ADAMTS16: variants seen among roughly 807,000 people sequenced by gnomAD.
ADAMTS16 encodes A disintegrin and metalloproteinase with thrombospondin motifs 16.
A neutral mutation model predicts 145.8 loss-of-function variants in ADAMTS16; 94 were observed. That is an observed-to-expected ratio of 0.64 (90% CI 0.55 to 0.77). ADAMTS16 has a LOEUF of 0.77. Ranked by LOEUF, ADAMTS16 falls within the 30% of genes least tolerant of loss-of-function variation. The pLI is 0.00. For synonymous variants in ADAMTS16, 659 were observed against 604.3 expected, an observed-to-expected ratio of 1.09 and a Z score of -1.33; for missense variants, 1,585 against 1,591.5, an observed-to-expected ratio of 1.00 and a Z score of 0.07.
At chr5:5,236,889 T>C (rs548019264) in intron 13 of ADAMTS16, 80 bp from the exon 14 acceptor site, 33 of 1,486,992 alleles carry the variant, frequency 2.2e-5, no homozygotes, top group African/African-American at 1.8e-4. Context: ...AGAAAGAAAG[T>C]CTATCTAAAA....
At chr5:5,264,703 C>T (rs1297819931) in intron 18 of ADAMTS16, among the ~76,000 whole-genome samples, 1 of 152,174 alleles carries the variant, frequency 6.6e-6, no homozygotes, top group Non-Finnish European at 1.5e-5. Flanking sequence ...TGATCGGGGA[C>T]CTGTCACCTT....
At chr5:5,171,928 A>T (rs1043943487) in intron 3 of ADAMTS16, among the ~76,000 whole-genome samples, 3 of 152,086 alleles carry the variant, frequency 2.0e-5, no homozygotes, top group Non-Finnish European at 4.4e-5. Flanking sequence ...ATTTTTAATC[A>T]TGGCTTTGAT....
chr5:5,163,532 T>A (rs760423154), intron 3 of ADAMTS16, among the ~76,000 whole-genome samples: 1 of 152,194 alleles, frequency 6.6e-6, no homozygotes, highest in Non-Finnish European at 1.5e-5. Context: ...AACAGATGTT[T>A]AAGGTAATGG....
chr5:5,236,253 T>G (rs1388776257), intron 13 of ADAMTS16, among the ~76,000 whole-genome samples: 2 of 151,710 alleles, frequency 1.3e-5, no homozygotes, highest in East Asian at 3.9e-4. Context: ...CTCAGGCCTA[T>G]AAAAATTTCT....
At chr5:5,173,511 T>TC (rs1560933910) in intron 3 of ADAMTS16, among the ~76,000 whole-genome samples, 1 of 152,024 alleles carries the variant, frequency 6.6e-6, no homozygotes, top group Admixed American at 6.5e-5. Flanking sequence ...TCTCACTCTG[T>TC]CCCCCAGGCT....
At chr5:5,186,430 G>C (rs1735500925) in intron 5 of ADAMTS16, among the ~76,000 whole-genome samples, 179 bp downstream of exon 5, 1 of 151,974 alleles carries the variant, frequency 6.6e-6, no homozygotes, top group Non-Finnish European at 1.5e-5. Flanking sequence ...CCAATGAAAA[G>C]AGCCATTTTC....
chr5:5,278,900 C>T (rs536047926), intron 18 of ADAMTS16, among the ~76,000 whole-genome samples: 1 of 151,314 alleles, frequency 6.6e-6, no homozygotes, highest in Non-Finnish European at 1.5e-5. Context: ...GGGGAAAAAA[C>T]CAATAAAAAA....
chr5:5,276,425 T>G (rs1218853808), intron 18 of ADAMTS16, among the ~76,000 whole-genome samples: 3 of 152,202 alleles, frequency 2.0e-5, no homozygotes, highest in Non-Finnish European at 4.4e-5. Flanking sequence ...CGAGTGTAAA[T>G]TACTGTAACT....
chr5:5,289,204 G>GAA (rs5865601), intron 18 of ADAMTS16, among the ~76,000 whole-genome samples: 2 of 151,742 alleles, frequency 1.3e-5, no homozygotes, highest in Non-Finnish European at 2.9e-5. Flanking sequence ...ACAGATAATA[G>GAA]AAAAAAAAGC....
chr5:5,262,028 A>G (rs1268765034), intron 17 of ADAMTS16, among the ~76,000 whole-genome samples: 1 of 152,212 alleles, frequency 6.6e-6, no homozygotes, highest in Non-Finnish European at 1.5e-5. Flanking sequence ...TTTGGGATAA[A>G]TTTAATTAAT....
intron 17 of ADAMTS16, among the ~76,000 whole-genome samples, chr5:5,258,855 T>TAA (rs1737895233): frequency 6.6e-6 from 1 of 152,020 alleles, no homozygotes; most frequent in Non-Finnish European, 1.5e-5. Context: ...TATATAATTT[T>TAA]TTTTAGTATT....
At chr5:5,214,107 C>CT (rs35360378) in intron 10 of ADAMTS16, among the ~76,000 whole-genome samples, 465 of 152,292 alleles carry the variant, frequency 3.1e-3, no homozygotes, top group Middle Eastern at 0.027. Flanking sequence ...GGCGTTCATT[C>CT]TCCTTGCATG....
Position 5,207,045 on chromosome 5 carries a change from T to G in ADAMTS16, c.1452-2048T>G, listed in dbSNP as rs145011837. Among the ~76,000 whole-genome samples, 721 of 152,340 alleles carry G rather than the reference T, an allele frequency of 4.7e-3. 4 individuals are homozygous for G. The highest frequency in any genetic ancestry group is 0.017 in the African/African-American group (696 of 41,580). The stretch of plus-strand genomic sequence containing the variant: ...CTGGTTATTTTAAGTGTTTTGCCTC[T>G]CCATATAAACTTTGGAATCAGTTTG... On this transcript the variant is annotated intron_variant, in intron 9 of 22. Transcript: ENST00000274181.
At chr5:5,214,911 G>A in intron 10 of ADAMTS16, among the ~76,000 whole-genome samples, 1 of 152,080 alleles carries the variant, frequency 6.6e-6, no homozygotes, top group Admixed American at 6.5e-5. Context: ...ATTTTGTTCA[G>A]ATGAAATGTA....
chr5:5,200,592 G>A (rs1735928050), intron 9 of ADAMTS16, among the ~76,000 whole-genome samples: 1 of 152,186 alleles, frequency 6.6e-6, no homozygotes, highest in African/African-American at 2.4e-5. Context: ...TTCAGGAAGT[G>A]AATAGAAAGA....
intron 18 of ADAMTS16, among the ~76,000 whole-genome samples, chr5:5,298,858 G>A (rs1437919767): frequency 6.6e-6 from 1 of 152,214 alleles, no homozygotes; most frequent in Non-Finnish European, 1.5e-5. Context: ...TCTGCAGTGT[G>A]TGAGTATCTG....
At chr5:5,141,156 C>A (rs1252062171) in intron 2 of ADAMTS16, among the ~76,000 whole-genome samples, 1 of 152,194 alleles carries the variant, frequency 6.6e-6, no homozygotes, top group Non-Finnish European at 1.5e-5. Flanking sequence ...CCGTCCCCAA[C>A]CTTTCCTCCT....
chr5:5,239,214 G>C lies in ADAMTS16; in HGVS notation c.2218G>C (p.Gly740Arg), dbSNP rs1278004238. The change falls in exon 15 of 23, where the codon GGG (glycine) becomes CGG (arginine). Residue 740 changes from glycine to arginine, a missense_variant. Coordinates refer to ENST00000274181, the MANE Select transcript of ADAMTS16 (RefSeq NM_139056.4). ...AVEDVCGVCN[G>R]NNSACTIHRG... The stretch of plus-strand genomic sequence containing the variant: ...TGAAGACGTCTGTGGGGTGTGTAAC[G>C]GGAATAACTCAGCCTGCACGATTCA... 2 of 1,602,938 alleles carry C rather than the reference G, an allele frequency of 1.2e-6. No homozygotes were observed. The highest frequency in any genetic ancestry group is 1.7e-6 in the Non-Finnish European group (2 of 1,175,392).
intron 10 of ADAMTS16, among the ~76,000 whole-genome samples, chr5:5,214,031 A>G (rs1019749): frequency 0.99 from 151,256 of 152,344 alleles, 75,090 homozygotes; most frequent in Middle Eastern, 1. Context: ...GCTATCATCC[A>G]CCTGGTATCC....
Sources: gnomAD v4.1 joint callset for allele counts (sites outside exome capture counted in the v4.1 genomes callset) on GRCh38, gnomAD v4.1.1 for gene constraint, MANE v1.5 for transcripts, NCBI Gene and HGNC (gene_info 2026-07-23, HGNC 2026-07-21) for gene names.